The following ZBTB20 variants were observed in gnomAD, a reference collection of about 807,000 sequenced individuals.
The protein encoded by ZBTB20 is zinc finger and BTB domain-containing protein 20.
Under a neutral mutation model 56.9 loss-of-function variants are expected in ZBTB20, and 9 were observed. The ratio of observed to expected loss-of-function variants is 0.16; its 90% CI spans 0.10 to 0.28. The LOEUF (loss-of-function observed/expected upper bound fraction) is 0.28, where lower values mean the gene tolerates loss of function less well. Ranked by LOEUF, ZBTB20 falls within the 10% of genes least tolerant of loss-of-function variation. The pLI, the probability that ZBTB20 is intolerant of heterozygous loss-of-function variation, is 1.00. For missense variants in ZBTB20, 655 were observed against 1,003.0 expected (o/e 0.65, Z 4.69); for synonymous variants, 417 against 420.7 (o/e 0.99, Z 0.11).
At chr3:114,438,218 A>G (rs919828832) in intron 7 of ZBTB20, among the ~76,000 whole-genome samples, 1 of 152,088 alleles carries the variant, frequency 6.6e-6, no homozygotes, top group Non-Finnish European at 1.5e-5. Context: ...CAGAGCTGAG[A>G]GATCAGCTTG....
At chr3:114,732,096 T>C (rs1224729611) in intron 5 of ZBTB20, among the ~76,000 whole-genome samples, 1 of 152,180 alleles carries the variant, frequency 6.6e-6, no homozygotes, top group African/African-American at 2.4e-5. Context: ...TGTTTTATAC[T>C]TTATTGCTTT....
intron 6 of ZBTB20, among the ~76,000 whole-genome samples, chr3:114,608,236 T>C (rs2057313303): frequency 1.3e-5 from 2 of 152,212 alleles, no homozygotes; most frequent in Non-Finnish European, 2.9e-5. Flanking sequence ...GGAAGAAATG[T>C]AACTATAGGA....
chr3:114,621,655 A>C (rs2058327971), intron 6 of ZBTB20, among the ~76,000 whole-genome samples: 1 of 152,150 alleles, frequency 6.6e-6, no homozygotes, highest in Admixed American at 6.5e-5. Context: ...TGAATATAGC[A>C]TATAGGAAGT....
intron 6 of ZBTB20, among the ~76,000 whole-genome samples, chr3:114,552,300 G>A (rs771557293): frequency 1.3e-5 from 2 of 152,062 alleles, no homozygotes. Flanking sequence ...TTATTATTTT[G>A]TCTCTAGCTG....
chr3:114,838,532 G>A (rs1046737397), intron 4 of ZBTB20, among the ~76,000 whole-genome samples: 5 of 151,950 alleles, frequency 3.3e-5, no homozygotes, highest in Non-Finnish European at 7.4e-5. Context: ...TGGAATTGAA[G>A]ATCCATGGTG....
chr3:114,780,592 A>C (rs1398534358), intron 5 of ZBTB20, among the ~76,000 whole-genome samples: 1 of 152,136 alleles, frequency 6.6e-6, no homozygotes, highest in Non-Finnish European at 1.5e-5. Context: ...GGTTCAAGCG[A>C]TTCTCCTGCC....
At chr3:114,906,042 T>C (rs1488825696) in intron 3 of ZBTB20, among the ~76,000 whole-genome samples, 1 of 151,844 alleles carries the variant, frequency 6.6e-6, no homozygotes, top group African/African-American at 2.4e-5. Context: ...GATTATTGGC[T>C]TATGTGTTTA....
chr3:114,331,677 A>G lies in ZBTB20; in HGVS notation c.*7328T>C, dbSNP rs2079262564. ...CATATTCAAGTTTCTCATGAAACGG[A>G]TACATAGAAATTACTGATGGTTGGG... On this transcript the variant is annotated 3_prime_UTR_variant, in exon 12 of 12. Coordinates refer to ENST00000675478, the MANE Select transcript of ZBTB20 (RefSeq NM_001348800.3). 1 of 152,220 alleles carries G rather than the reference A, an allele frequency of 6.6e-6. No individual in the cohort carries two copies. Among genetic ancestry groups the G allele is most frequent in the African/African-American group, 2.4e-5 (1 of 41,458 alleles). 9.4% of individuals were successfully genotyped at this position (152,220 alleles called of 1,614,324 possible). A position where few individuals can be genotyped will look rare whatever the true frequency, so the allele number is the denominator to read the frequency against.
chr3:114,964,617 T>C lies in ZBTB20; in HGVS notation c.-456+9749A>G, dbSNP rs560261506. Reference sequence around the variant, plus strand: ...ACAGTAAGAGCAAAGGCAGAAAGCATGGCATCCACAGTGTATTTAAAAGAC... The same window carrying C: ...ACAGTAAGAGCAAAGGCAGAAAGCACGGCATCCACAGTGTATTTAAAAGAC... On this transcript the variant is annotated intron_variant, in intron 3 of 11. Transcript: ENST00000675478. Among the ~76,000 whole-genome samples the C allele has an allele frequency of 7.2e-5, 11 of 152,264 alleles. 1 individual carries two copies. In the South Asian group the frequency reaches 1.7e-3, roughly 23 times the overall value.
At chr3:114,948,322 G>T (rs982940104) in intron 3 of ZBTB20, among the ~76,000 whole-genome samples, 1 of 144,956 alleles carries the variant, frequency 6.9e-6, no homozygotes, top group Non-Finnish European at 1.5e-5. Context: ...TTCTCTAGTG[G>T]ATACAGGAAA....
chr3:115,066,925 T>A (rs920277108), intron 2 of ZBTB20, among the ~76,000 whole-genome samples: 4 of 152,122 alleles, frequency 2.6e-5, no homozygotes, highest in African/African-American at 9.6e-5. Flanking sequence ...GCTTTTACCA[T>A]AATATTTTAC....
intron 4 of ZBTB20, among the ~76,000 whole-genome samples, chr3:114,850,450 TAA>T: frequency 6.6e-6 from 1 of 152,314 alleles, no homozygotes; most frequent in East Asian, 1.9e-4. Flanking sequence ...TCACATTCAT[TAA>T]GAGGTATGCT....
intron 1 of ZBTB20, among the ~76,000 whole-genome samples, chr3:115,114,779 C>T (rs957496679): frequency 6.6e-6 from 1 of 152,102 alleles, no homozygotes. Context: ...GTTACCTTCT[C>T]ACTCATTATT....
chr3:114,762,484 G>A (rs2068508041), intron 5 of ZBTB20, among the ~76,000 whole-genome samples: 1 of 152,166 alleles, frequency 6.6e-6, no homozygotes, highest in African/African-American at 2.4e-5. Context: ...TGGTGATAAA[G>A]CTGGTTCTAG....
intron 4 of ZBTB20, among the ~76,000 whole-genome samples, chr3:114,866,844 G>T (rs2075784831): frequency 6.6e-6 from 1 of 152,242 alleles, no homozygotes; most frequent in Non-Finnish European, 1.5e-5. Context: ...TAATACGTTG[G>T]ACTAACGCAA....
At chr3:115,024,813 C>A (rs1486276822) in intron 2 of ZBTB20, among the ~76,000 whole-genome samples, 1 of 151,118 alleles carries the variant, frequency 6.6e-6, no homozygotes, top group African/African-American at 2.4e-5. Context: ...AACAACATAG[C>A]AGCTACATAT....
chr3:114,747,591 A>G (rs1829863), intron 5 of ZBTB20, among the ~76,000 whole-genome samples: 2,191 of 152,216 alleles, frequency 0.014, 61 homozygotes, highest in African/African-American at 0.048. Context: ...TGACGTTCAT[A>G]TTTTTAAAAT....
At chr3:114,812,646 C>T (rs1419858622) in intron 4 of ZBTB20, among the ~76,000 whole-genome samples, 3 of 152,248 alleles carry the variant, frequency 2.0e-5, no homozygotes, top group Non-Finnish European at 2.9e-5. Context: ...CAGTGGATCC[C>T]GCACCCGGGC....
intron 5 of ZBTB20, among the ~76,000 whole-genome samples, chr3:114,775,640 T>G (rs2069546508): frequency 6.6e-6 from 1 of 152,094 alleles, no homozygotes; most frequent in Non-Finnish European, 1.5e-5. Context: ...AGCCCTTTGA[T>G]CCTAGGAAAT....
Sources: gnomAD v4.1 joint callset for allele counts (sites outside exome capture counted in the v4.1 genomes callset) on GRCh38, gnomAD v4.1.1 for gene constraint, MANE v1.5 for transcripts, NCBI Gene and HGNC (gene_info 2026-07-23, HGNC 2026-07-21) for gene names.